CEP70: variants seen among roughly 807,000 people sequenced by gnomAD.
CEP70 encodes centrosomal protein 70, also known as centrosomal protein of 70 kDa.
Under a neutral mutation model 90.9 loss-of-function variants are expected in CEP70, and 70 were observed. That is an observed-to-expected ratio of 0.77 (90% CI 0.64 to 0.94). The LOEUF (loss-of-function observed/expected upper bound fraction) is 0.94, where lower values mean the gene tolerates loss of function less well. Ranked by LOEUF, CEP70 falls within the 40% of genes least tolerant of loss-of-function variation. The pLI is 0.00. For synonymous variants in CEP70, 220 were observed against 228.3 expected, an observed-to-expected ratio of 0.96 and a Z score of 0.33; for missense variants, 648 against 669.0, an observed-to-expected ratio of 0.97 and a Z score of 0.35.
At chr3:138,589,842 C>T (rs2042291995) in intron 2 of CEP70, among the ~76,000 whole-genome samples, 1 of 152,032 alleles carries the variant, frequency 6.6e-6, no homozygotes, top group Non-Finnish European at 1.5e-5. Context: ...TTTATATCTG[C>T]AAAATTGACT....
intron 6 of CEP70, among the ~76,000 whole-genome samples, chr3:138,547,417 T>C (rs2039295564): frequency 6.6e-6 from 1 of 152,132 alleles, no homozygotes. Context: ...AACTGTGCAC[T>C]ATCACTCACT....
chr3:138,533,780 G>GT (rs923769600), intron 7 of CEP70, among the ~76,000 whole-genome samples: 15 of 150,532 alleles, frequency 1.0e-4, no homozygotes, highest in South Asian at 2.1e-4. Flanking sequence ...TTTATTTTTT[G>GT]TTTTTTTTTG....
At chr3:138,561,304 A>G (rs2040390704) in intron 6 of CEP70, among the ~76,000 whole-genome samples, 1 of 152,108 alleles carries the variant, frequency 6.6e-6, no homozygotes, top group Non-Finnish European at 1.5e-5. Flanking sequence ...GAGGGGCCTG[A>G]CTGTTAGAAG....
intron 6 of CEP70, among the ~76,000 whole-genome samples, chr3:138,556,070 G>A (rs1296185354): frequency 2.0e-5 from 3 of 152,132 alleles, no homozygotes; most frequent in Non-Finnish European, 4.4e-5. Flanking sequence ...ATACATACAC[G>A]ATGGAATACT....
chr3:138,526,881 A>AT (rs1195874023), intron 10 of CEP70, among the ~76,000 whole-genome samples: 1 of 152,220 alleles, frequency 6.6e-6, no homozygotes, highest in African/African-American at 2.4e-5. Flanking sequence ...GCTTGATTTA[A>AT]TTATTCTGCA....
intron 11 of CEP70, among the ~76,000 whole-genome samples, chr3:138,516,521 G>A (rs1163574831): frequency 6.6e-6 from 1 of 151,996 alleles, no homozygotes; most frequent in Non-Finnish European, 1.5e-5. Flanking sequence ...AAGTAACTGG[G>A]GCTACAGGTA....
Position 138,500,783 on chromosome 3 carries a change from C to T in CEP70, c.1320G>A (p.Leu440=). 6.2e-7 allele frequency: 1 copy of T among 1,606,672 alleles called. No homozygotes were observed. Among genetic ancestry groups the T allele is most frequent in the Non-Finnish European group, 8.5e-7 (1 of 1,175,534 alleles). Reference sequence around the variant, plus strand: ...CCAGCATAGTATCTACTATAAACAACAAATCTTCAACTTTGATACCTTCAT... The same window carrying T: ...CCAGCATAGTATCTACTATAAACAATAAATCTTCAACTTTGATACCTTCAT... ...DENEGIKVED[L]LFIVDTMLEE... is the part of the protein sequence containing the mutation. Residue 440 remains leucine (L), a synonymous_variant, in exon 14 of 18, where the codon TTG becomes TTA. Coordinates refer to ENST00000264982, the MANE Select transcript of CEP70 (RefSeq NM_024491.4).
chr3:138,515,459 T>C (rs952664670), intron 11 of CEP70, among the ~76,000 whole-genome samples: 8 of 21,922 alleles, frequency 3.6e-4, no homozygotes, highest in Non-Finnish European at 4.6e-4. Context: ...ACAAAAGGCA[T>C]AGAAATGCAA....
At chr3:138,526,551 T>A (rs2037272162) in intron 10 of CEP70, among the ~76,000 whole-genome samples, 1 of 152,210 alleles carries the variant, frequency 6.6e-6, no homozygotes, top group African/African-American at 2.4e-5. Flanking sequence ...CTATAGGTAT[T>A]CAAATATTTG....
At chr3:138,539,755 A>T (rs2038594305) in intron 6 of CEP70, among the ~76,000 whole-genome samples, 1 of 152,214 alleles carries the variant, frequency 6.6e-6, no homozygotes, top group Non-Finnish European at 1.5e-5. Flanking sequence ...ATTCAAAGAA[A>T]TAGTAACAGA....
intron 17 of CEP70, chr3:138,496,830 C>T (rs2033984942): frequency 3.0e-5 from 30 of 985,424 alleles, no homozygotes; most frequent in Non-Finnish European, 3.6e-5. Context: ...AGCAAATGAT[C>T]TTTATGAACC....
intron 6 of CEP70, among the ~76,000 whole-genome samples, chr3:138,544,343 T>C (rs997063471): frequency 4.5e-5 from 6 of 132,526 alleles, no homozygotes; most frequent in African/African-American, 1.9e-4. Flanking sequence ...TTAGAATGGC[T>C]ATTACTCAAA....
intron 13 of CEP70, among the ~76,000 whole-genome samples, chr3:138,502,062 G>A (rs1364426080): frequency 6.6e-6 from 1 of 152,158 alleles, no homozygotes; most frequent in East Asian, 1.9e-4. Flanking sequence ...AATGTAATGT[G>A]AGCCACAGTA....
At chr3:138,528,019 A>G (rs974387618) in intron 10 of CEP70, among the ~76,000 whole-genome samples, 1 of 151,864 alleles carries the variant, frequency 6.6e-6, no homozygotes, top group Non-Finnish European at 1.5e-5. Context: ...AAAGCAAAAA[A>G]AAAAAAAAGA....
intron 10 of CEP70, 88 bp downstream of exon 10, chr3:138,529,111 A>T: frequency 1.4e-6 from 1 of 722,862 alleles, no homozygotes; most frequent in East Asian, 2.7e-5. Flanking sequence ...GGCTGCGGTG[A>T]GACGTGATCA....
At chr3:138,501,656 T>C (rs915117522) in intron 13 of CEP70, among the ~76,000 whole-genome samples, 1 of 152,200 alleles carries the variant, frequency 6.6e-6, no homozygotes, top group South Asian at 2.1e-4. Flanking sequence ...CTAAATGTAT[T>C]CTACATTATA....
chr3:138,563,271 A>C (rs2040543111), intron 6 of CEP70, among the ~76,000 whole-genome samples: 1 of 152,108 alleles, frequency 6.6e-6, no homozygotes, highest in Non-Finnish European at 1.5e-5. Context: ...ACACCCCACT[A>C]TCAATATTAG....
At chr3:138,575,758 C>A (rs530266024) in intron 2 of CEP70, among the ~76,000 whole-genome samples, 3 of 151,844 alleles carry the variant, frequency 2.0e-5, no homozygotes, top group Non-Finnish European at 4.4e-5. Context: ...ATCTCTTGGC[C>A]GAAACCCTAC....
intron 13 of CEP70, among the ~76,000 whole-genome samples, chr3:138,502,759 T>C (rs965935012): frequency 4.6e-5 from 7 of 152,186 alleles, no homozygotes; most frequent in African/African-American, 1.2e-4. Flanking sequence ...AAGTAAGCTC[T>C]GAAAAATATA....
Sources: allele counts gnomAD v4.1 joint callset (sites outside exome capture counted in the v4.1 genomes callset), GRCh38; gene constraint gnomAD v4.1.1; transcripts MANE v1.5; gene names NCBI Gene and HGNC (gene_info 2026-07-23, HGNC 2026-07-21).